The following CYP7A1 variants were observed in gnomAD, a reference collection of about 807,000 sequenced individuals.
The protein encoded by CYP7A1 is cytochrome P450 7A1.
CYP7A1 carries 28 observed loss-of-function variants against 43.8 expected under a neutral mutation model. The observed-to-expected ratio is 0.64, with a 90% CI of 0.47 to 0.88. The LOEUF (loss-of-function observed/expected upper bound fraction) is 0.88. Among genes scored for constraint, CYP7A1 ranks in the 40% least tolerant of loss-of-function variants. The pLI is 0.00. For missense variants in CYP7A1, 637 were observed against 611.9 expected, an observed-to-expected ratio of 1.04 and a Z score of -0.43; for synonymous variants, 227 against 222.5, an observed-to-expected ratio of 1.02 and a Z score of -0.18.
intron 4 of CYP7A1, among the ~76,000 whole-genome samples, chr8:58,493,788 T>A (rs138793232): frequency 0.016 from 2,391 of 152,122 alleles, 51 homozygotes; most frequent in East Asian, 0.11. Context: ...TCACTTGAGG[T>A]CAGGAGTTCG....
At chr8:58,497,495 C>T (rs1381242838) in intron 2 of CYP7A1, among the ~76,000 whole-genome samples, 1 of 152,072 alleles carries the variant, frequency 6.6e-6, no homozygotes, top group African/African-American at 2.4e-5. Context: ...CATTAGTTAT[C>T]TTTTATATTA....
intron 1 of CYP7A1, among the ~76,000 whole-genome samples, chr8:58,498,871 G>A (rs1340397209): frequency 6.6e-6 from 1 of 152,124 alleles, no homozygotes; most frequent in Non-Finnish European, 1.5e-5. Context: ...ATCTCAAAAT[G>A]TTTCTTTTGA....
chr8:58,496,480 T>C, intron 3 of CYP7A1, 124 bp downstream of exon 3: 1 of 707,336 alleles, frequency 1.4e-6, no homozygotes, highest in Non-Finnish European at 2.4e-6. Flanking sequence ...TAACATGCAT[T>C]AGTGCTACGT....
rs1199644602 is a variant in CYP7A1 at position 58,490,823 on chromosome 8, AATC to A, written c.*649_*651del. 4 of 152,358 alleles carry A rather than the reference AATC, an allele frequency of 2.6e-5. No homozygotes were observed. Among genetic ancestry groups the A allele is most frequent in the African/African-American group, 9.6e-5 (4 of 41,572 alleles). 9.4% of individuals were successfully genotyped at this position (152,358 alleles called of 1,614,324 possible). On this transcript the variant is annotated 3_prime_UTR_variant, in exon 6 of 6. Transcript: ENST00000301645. ...TTCCTTTTTATTAAAAGACATAACT[AATC>A]ATAATCATTTGAAATATCCTTTATG...
At position 58,497,132 on chromosome 8, in the gene CYP7A1, T is replaced by C. The variant is rs1018490874; in HGVS notation, c.380A>G (p.Asp127Gly). 10 of 1,599,814 alleles carry C rather than the reference T, an allele frequency of 6.3e-6. No homozygotes were observed. The highest frequency in any genetic ancestry group is 8.5e-6 in the Non-Finnish European group (10 of 1,179,936). Residue 127 changes from aspartate to glycine, a missense_variant, in exon 3 of 6, where the codon GAC becomes GGC. Coordinates refer to ENST00000301645, the MANE Select transcript of CYP7A1 (RefSeq NM_000780.4). ...MDGNTTENINDTFIKTLQGHA... is the reference protein window; with the variant it reads ...MDGNTTENINGTFIKTLQGHA... ...GCCCTGCAGGGTTTTGATGAAAGTG[T>C]CGTTTATGTTTTCAGTGGTATTTCC...
chr8:58,492,408 A>G lies in CYP7A1; in HGVS notation c.1160T>C (p.Ile387Thr), dbSNP rs770946033. Residue 387 changes from isoleucine (I) to threonine (T), a missense_variant, in exon 5 of 6, where the codon ATA becomes ACA. Physicochemically the swap from Ile to Thr is moderately conservative, Grantham distance 89. Transcript: ENST00000301645. Reference protein sequence around the residue: ...GSYNIRKDDIIALYPQLMHLD... With the variant: ...GSYNIRKDDITALYPQLMHLD... ...GTGCATTAACTGTGGGTAAAGAGCT[A>G]TGATGTCATCTTTTCGGATGTTGTA... 4 of 1,614,014 alleles carry G rather than the reference A, an allele frequency of 2.5e-6. No individual in the cohort carries two copies. The highest frequency in any genetic ancestry group is 2.5e-6 in the Non-Finnish European group (3 of 1,179,984).
At chr8:58,497,558 C>T (rs568354201) in intron 2 of CYP7A1, among the ~76,000 whole-genome samples, 6 of 152,020 alleles carry the variant, frequency 3.9e-5, no homozygotes, top group African/African-American at 1.4e-4. Context: ...ACATTGTCAC[C>T]CAGGCTGGAG....
At chr8:58,498,207 A>G (rs1393508169) in intron 2 of CYP7A1, 22 bp downstream of exon 2, 2 of 1,613,556 alleles carry the variant, frequency 1.2e-6, no homozygotes, top group Admixed American at 3.3e-5. Context: ...ACAGAATGGT[A>G]TATAAATGTA....
intron 1 of CYP7A1, 83 bp from the exon 2 acceptor site, chr8:58,498,552 T>A: frequency 2.0e-6 from 3 of 1,496,632 alleles, no homozygotes; most frequent in Non-Finnish European, 9.3e-7. Context: ...TTTTTCCCAC[T>A]GACTTCAAAC....
rs759259236 is a variant in CYP7A1, at chr8:58,494,503, C to A, written c.1039+3G>T. The A allele has an allele frequency of 3.1e-6, 5 of 1,613,808 alleles. No homozygotes were observed. The African/African-American group carries it at 6.7e-5, about 22-fold the overall frequency. ...TGAAACTCAACATAACAAGTATACC[C>A]ACCTAATACTGGCAGGTCATTCAGT... On this transcript the variant is annotated splice_donor_region_variant and intron_variant, in intron 4 of 5. Coordinates refer to ENST00000301645, the MANE Select transcript of CYP7A1 (RefSeq NM_000780.4).
chr8:58,495,863 C>G (rs1809435524), intron 3 of CYP7A1, among the ~76,000 whole-genome samples: 1 of 152,064 alleles, frequency 6.6e-6, no homozygotes, highest in South Asian at 2.1e-4. Flanking sequence ...TTTGGCATTC[C>G]CAATCCTATG....
At chr8:58,497,331 CA>C (rs1809461565) in intron 2 of CYP7A1, 141 bp from the exon 3 acceptor site, 1 of 749,290 alleles carries the variant, frequency 1.3e-6, no homozygotes, top group South Asian at 1.6e-5. Flanking sequence ...AAGTTCATAG[CA>C]CTTTACAAAT....
intron 1 of CYP7A1, 111 bp downstream of exon 1, chr8:58,499,908 G>A: frequency 1.3e-6 from 1 of 750,008 alleles, no homozygotes. Context: ...AAATAAGGAA[G>A]ATAATGCTAA....
chr8:58,491,366 G>A lies in CYP7A1; in HGVS notation c.*109C>T, dbSNP rs1809347582. On this transcript the variant is annotated 3_prime_UTR_variant, in exon 6 of 6. Coordinates refer to ENST00000301645, the MANE Select transcript of CYP7A1 (RefSeq NM_000780.4). ...GCACTGGTGAACAACATTGGACCTG[G>A]TGAATCATTTCTACCACCACTAAAT... 9.5e-7 allele frequency: 1 copy of A among 1,054,856 alleles called. No individual in the cohort carries two copies. Among genetic ancestry groups the A allele is most frequent in the Non-Finnish European group, 1.4e-6 (1 of 705,126 alleles). The allele number at this position is 1,054,856 out of a possible 1,614,324, so 65.3% of individuals were successfully genotyped here.
intron 4 of CYP7A1, among the ~76,000 whole-genome samples, chr8:58,494,177 T>G (rs1809402362): frequency 6.6e-6 from 1 of 152,154 alleles, no homozygotes; most frequent in African/African-American, 2.4e-5. Context: ...CTAATATGCT[T>G]CCATTAACCA....
Position 58,498,312 on chromosome 8 carries a change from T to G in CYP7A1, c.238A>C (p.Thr80Pro). Residue 80 changes from threonine (T) to proline (P), a missense_variant, in exon 2 of 6, where the codon ACA becomes CCA. Transcript: ENST00000301645. ...ACCTTATGGTATGACAAGGGATTTG[T>G]GATGAAATGGACATATTTTCCCATT... ...KLMGKYVHFI[T>P]NPLSYHKVLC... is the part of the protein sequence containing the mutation. 5.0e-6 allele frequency: 8 copies of G among 1,614,198 alleles called. No individual in the cohort carries two copies. Among genetic ancestry groups the G allele is most frequent in the Non-Finnish European group, 6.8e-6 (8 of 1,180,020 alleles).
intron 4 of CYP7A1, among the ~76,000 whole-genome samples, chr8:58,493,286 T>C (rs1809381640): frequency 6.6e-6 from 1 of 152,216 alleles, no homozygotes; most frequent in African/African-American, 2.4e-5. Context: ...AATATACTGA[T>C]AGCACTGACA....
chr8:58,497,290 G>A, intron 2 of CYP7A1, 100 bp from the exon 3 acceptor site: 2 of 997,696 alleles, frequency 2.0e-6, no homozygotes, highest in Non-Finnish European at 3.1e-6. Flanking sequence ...TCCTTACTTG[G>A]TAAACACGGG....
At chr8:58,493,863 G>A (rs1268798657) in intron 4 of CYP7A1, among the ~76,000 whole-genome samples, 1 of 152,058 alleles carries the variant, frequency 6.6e-6, no homozygotes, top group Non-Finnish European at 1.5e-5. Flanking sequence ...AGCCAGGGGT[G>A]GTGGCGTGCA....
Sources: gnomAD v4.1 joint callset for allele counts (sites outside exome capture counted in the v4.1 genomes callset) on GRCh38, gnomAD v4.1.1 for gene constraint, MANE v1.5 for transcripts, NCBI Gene and HGNC (gene_info 2026-07-23, HGNC 2026-07-21) for gene names.